ZNF599: variants seen among roughly 807,000 people sequenced by gnomAD.
The protein encoded by ZNF599 is zinc finger protein 599.
ZNF599 carries 10 observed loss-of-function variants against 11.7 expected under a neutral mutation model. The observed-to-expected ratio is 0.86, with a 90% CI of 0.53 to 1.45. The LOEUF (loss-of-function observed/expected upper bound fraction) is 1.45. ZNF599 is among the 40% of genes most tolerant of loss of function. The pLI, the probability that ZNF599 is intolerant of heterozygous loss-of-function variation, is 0.00. For synonymous variants in ZNF599, 232 were observed against 253.2 expected (o/e 0.92, Z 0.79); for missense variants, 688 against 713.6 (o/e 0.96, Z 0.41).
the ZNF599 span, among the ~76,000 whole-genome samples, chr19:34,792,756 G>A: frequency 2.0e-5 from 3 of 151,982 alleles, no homozygotes; most frequent in South Asian, 4.2e-4. Context: ...CCAGCTACTC[G>A]GGAGGCTGAG....
the ZNF599 span, among the ~76,000 whole-genome samples, chr19:34,798,623 T>G: frequency 6.6e-6 from 1 of 152,230 alleles, no homozygotes; most frequent in African/African-American, 2.4e-5. Flanking sequence ...TATTTGTAGT[T>G]CATTTTGCCT....
chr19:34,772,556 C>G, intron 1 of ZNF599: 2 of 1,344,560 alleles, frequency 1.5e-6, no homozygotes, highest in Admixed American at 3.7e-5. Flanking sequence ...ATTTTAGACC[C>G]GAGGGAATGG....
At chr19:34,765,757 C>T (rs572948770) in intron 3 of ZNF599, 63 of 686,746 alleles carry the variant, frequency 9.2e-5, no homozygotes, top group Non-Finnish European at 1.4e-4. Flanking sequence ...GCAAGGGAGG[C>T]GGTGATACAT....
the ZNF599 span, among the ~76,000 whole-genome samples, chr19:34,793,311 G>A: frequency 9.2e-5 from 14 of 152,188 alleles, no homozygotes; most frequent in African/African-American, 3.4e-4. Flanking sequence ...TTGGGGAAAA[G>A]CCCACACTTC....
chr19:34,786,705 A>G, the ZNF599 span, among the ~76,000 whole-genome samples: 2 of 152,248 alleles, frequency 1.3e-5, no homozygotes, highest in Admixed American at 6.5e-5. Flanking sequence ...TGTCTTACTG[A>G]CAAGGCAGGG....
At chr19:34,806,506 C>A in the ZNF599 span, among the ~76,000 whole-genome samples, 395 of 152,282 alleles carry the variant, frequency 2.6e-3, no homozygotes, top group African/African-American at 9.1e-3. Context: ...TGTTAACTAG[C>A]AAAATTTCCT....
At chr19:34,773,228 A>G, upstream of ZNF599, 1 of 236,064 alleles carries the variant, frequency 4.2e-6, no homozygotes, top group Admixed American at 5.6e-5. Context: ...AGTCCCGCCC[A>G]CGCCGCTACG....
chr19:34,793,301 T>C, the ZNF599 span, among the ~76,000 whole-genome samples: 1 of 152,098 alleles, frequency 6.6e-6, no homozygotes, highest in Admixed American at 6.6e-5. Context: ...GTCAGCAGCT[T>C]TGGGGAAAAG....
chr19:34,764,975 A>C (rs545374091), intron 3 of ZNF599: 1 of 152,154 alleles, frequency 6.6e-6, no homozygotes, highest in Non-Finnish European at 1.5e-5. Flanking sequence ...AGACTTCTCC[A>C]ACAAGCTTGG....
chr19:34,800,592 T>TTTG, the ZNF599 span, among the ~76,000 whole-genome samples: 1 of 146,370 alleles, frequency 6.8e-6, no homozygotes, highest in African/African-American at 2.5e-5. Flanking sequence ...CTTTGTTTTT[T>TTTG]TTTTTTTTTT....
chr19:34,782,858 G>A, the ZNF599 span, among the ~76,000 whole-genome samples: 2 of 152,250 alleles, frequency 1.3e-5, no homozygotes, highest in South Asian at 4.2e-4. Flanking sequence ...TATCCTCAAA[G>A]GTCACACAGC....
Position 34,759,819 on chromosome 19 carries a change from G to T in ZNF599, c.982C>A (p.Gln328Lys). ...KAFYYSSSFA[Q>K]HMRIHTGKKL... is the part of the protein sequence containing the mutation. ...TTTCCAGTATGAATCCTCATATGTT[G>T]AGCAAATGAGGAGCTGTAGTAAAAA... is the stretch of plus-strand genomic sequence containing the variant. The change falls in exon 4 of 4, where the codon CAA becomes AAA. Residue 328 changes from glutamine to lysine, a missense_variant. Physicochemically the swap from Gln to Lys is moderately conservative, Grantham distance 53. Transcript: ENST00000329285. 6.2e-7 allele frequency: 1 copy of T among 1,614,124 alleles called. No homozygotes were observed. Among genetic ancestry groups the T allele is most frequent in the East Asian group, 2.2e-5 (1 of 44,886 alleles).
intron 1 of ZNF599, among the ~76,000 whole-genome samples, chr19:34,772,053 G>A (rs932385053): frequency 1.1e-4 from 16 of 152,198 alleles, no homozygotes; most frequent in Admixed American, 1.0e-3. Context: ...TCCTGAAGGT[G>A]ATCAGAGCTA....
At chr19:34,782,346 T>C in the ZNF599 span, among the ~76,000 whole-genome samples, 19,895 of 152,232 alleles carry the variant, frequency 0.13, 1,383 homozygotes, top group Middle Eastern at 0.2. Flanking sequence ...CAGAAACAAG[T>C]CGGCAGTCCC....
the ZNF599 span, among the ~76,000 whole-genome samples, chr19:34,800,684 C>A: frequency 6.7e-6 from 1 of 148,402 alleles, no homozygotes. Context: ...CAACCTCTGC[C>A]CCCCGGGTCC....
chr19:34,801,749 T>G, the ZNF599 span, among the ~76,000 whole-genome samples: 43 of 152,350 alleles, frequency 2.8e-4, no homozygotes, highest in Middle Eastern at 0.014. Context: ...GGAGAAGTCC[T>G]GAGTCAACCA....
chr19:34,786,436 A>G, the ZNF599 span, among the ~76,000 whole-genome samples: 1 of 151,772 alleles, frequency 6.6e-6, no homozygotes, highest in Non-Finnish European at 1.5e-5. Context: ...AGTCTGCCTT[A>G]CTATTCTTTA....
At chr19:34,797,149 T>A in the ZNF599 span, among the ~76,000 whole-genome samples, 1 of 152,178 alleles carries the variant, frequency 6.6e-6, no homozygotes, top group African/African-American at 2.4e-5. Context: ...GAACTCATCA[T>A]TTTTTATGGC....
Position 34,767,534 on chromosome 19 carries a change from C to T in ZNF599, c.146-123G>A, listed in dbSNP as rs563303937. The T allele has an allele frequency of 1.4e-5, 9 of 651,414 alleles. No individual in the cohort carries two copies. In the African/African-American group the frequency reaches 1.6e-4, roughly 12 times the overall value. 40.4% of individuals were successfully genotyped at this position (651,414 alleles called of 1,614,324 possible). On this transcript the variant is annotated intron_variant, in intron 2 of 3. Transcript: ENST00000329285. ...AAACCCCAGAAAGGGCCCTCCCCTG[C>T]CTCACCAAAAGTATTCCCTAATTAA...
Sources: allele counts gnomAD v4.1 joint callset (sites outside exome capture counted in the v4.1 genomes callset), GRCh38; gene constraint gnomAD v4.1.1; transcripts MANE v1.5; gene names NCBI Gene and HGNC (gene_info 2026-07-23, HGNC 2026-07-21).